DMD: variants seen among roughly 807,000 people sequenced by gnomAD.
DMD encodes mutant dystrophin.
A neutral mutation model predicts 330.1 loss-of-function variants in DMD; 63 were observed. The observed-to-expected ratio is 0.19, with a 90% CI of 0.16 to 0.24. The LOEUF is 0.24. DMD is among the 10% of genes least tolerant of loss of function. The probability of loss-of-function intolerance (pLI) is 1.00; values close to 1 mark genes in which losing one functional copy is unlikely to be tolerated. For synonymous variants in DMD, 1,223 were observed against 959.8 expected, an observed-to-expected ratio of 1.27 and a Z score of -5.07; for missense variants, 3,344 against 2,684.1, an observed-to-expected ratio of 1.25 and a Z score of -5.43.
chrX:33,128,328 A>G, intron 1 of DMD: 1 of 1,028,837 alleles, frequency 9.7e-7, no homozygotes, highest in Non-Finnish European at 1.2e-6. Context: ...GACCAGCCTC[A>G]CAAAAGCAGA....
intron 18 of DMD, among the ~76,000 whole-genome samples, chrX:32,510,726 C>A (rs774286801): frequency 1.1e-4 from 12 of 111,308 alleles, no homozygotes; most frequent in Non-Finnish European, 2.1e-4. Flanking sequence ...GGCCATAAAA[C>A]CAGTACATGG....
intron 21 of DMD, among the ~76,000 whole-genome samples, chrX:32,475,515 C>T (rs1186664822): frequency 3.6e-5 from 4 of 111,812 alleles, no homozygotes; most frequent in Admixed American, 9.5e-5. Context: ...TTGTTTGTGT[C>T]ATCTATGATT....
chrX:31,993,433 G>GA (rs1283692254), intron 44 of DMD, among the ~76,000 whole-genome samples: 1 of 111,401 alleles, frequency 9.0e-6, no homozygotes, highest in African/African-American at 3.3e-5. Context: ...ATTGTTGCTT[G>GA]TTGATCTCCA....
chrX:33,053,883 T>A (rs2094488851), intron 1 of DMD, among the ~76,000 whole-genome samples: 3 of 111,126 alleles, frequency 2.7e-5, no homozygotes, highest in Non-Finnish European at 1.9e-5. Context: ...AAGGGGTGAA[T>A]GTAAAGAGAT....
intron 9 of DMD, among the ~76,000 whole-genome samples, chrX:32,687,435 G>T (rs1405363455): frequency 9.0e-6 from 1 of 111,700 alleles, no homozygotes; most frequent in Non-Finnish European, 1.9e-5. Context: ...CCTTGACTAG[G>T]ATGGACCCCT....
At chrX:33,098,082 C>G (rs776991769) in intron 1 of DMD, among the ~76,000 whole-genome samples, 1 of 111,834 alleles carries the variant, frequency 8.9e-6, no homozygotes, top group African/African-American at 3.3e-5. Flanking sequence ...TTACTCTGGT[C>G]TGCTAGTATG....
At position 32,510,265 on chromosome X, in the gene DMD, G is replaced by A. The variant is rs149184265; in HGVS notation, c.2292+7743C>T. The stretch of plus-strand genomic sequence containing the variant: ...GCTTACCTTTTCCCTGATGCTACAG[G>A]CATGCTGCTGTTACACGGCTGTGCA... On this transcript the variant is annotated intron_variant, in intron 18 of 78. Transcript: ENST00000357033. 4.9e-3 allele frequency among the ~76,000 whole-genome samples: 543 copies of A among 111,649 alleles called. 3 individuals are homozygous for A. The highest frequency in any genetic ancestry group is 8.0e-3 in the Non-Finnish European group (423 of 53,184).
intron 1 of DMD, among the ~76,000 whole-genome samples, chrX:33,318,840 C>T (rs953783449): frequency 9.0e-6 from 1 of 110,972 alleles, no homozygotes; most frequent in South Asian, 3.8e-4. Context: ...TTAACATGCT[C>T]ATGTTATATC....
At chrX:31,675,970 T>G (rs2148713558) in intron 53 of DMD, among the ~76,000 whole-genome samples, 1 of 112,445 alleles carries the variant, frequency 8.9e-6, no homozygotes, top group Non-Finnish European at 1.9e-5. Flanking sequence ...CTTTTTACGT[T>G]CAGGTATGGT....
At chrX:32,016,109 G>A (rs7051705) in intron 44 of DMD, among the ~76,000 whole-genome samples, 2 of 111,757 alleles carry the variant, frequency 1.8e-5, no homozygotes, top group East Asian at 2.8e-4. Flanking sequence ...CAGTTTAGAG[G>A]TCTATTAAAT....
intron 13 of DMD, among the ~76,000 whole-genome samples, chrX:32,583,185 T>A (rs1391999912): frequency 8.9e-6 from 1 of 112,155 alleles, no homozygotes; most frequent in East Asian, 2.8e-4. Context: ...GTCTGGTGCA[T>A]TTTTTCTTTT....
At chrX:31,902,979 C>T (rs1183380931) in intron 47 of DMD, among the ~76,000 whole-genome samples, 1 of 111,341 alleles carries the variant, frequency 9.0e-6, no homozygotes, top group Admixed American at 9.6e-5. Context: ...ATAATTTCTT[C>T]TTCACAGAGA....
At chrX:33,059,593 A>G (rs2094558465) in intron 1 of DMD, among the ~76,000 whole-genome samples, 1 of 111,721 alleles carries the variant, frequency 9.0e-6, no homozygotes, top group East Asian at 2.8e-4. Flanking sequence ...GGGGTTGTTA[A>G]TAGTATTGAA....
chrX:32,830,492 G>C (rs929430860), intron 4 of DMD, among the ~76,000 whole-genome samples: 1 of 111,564 alleles, frequency 9.0e-6, no homozygotes, highest in African/African-American at 3.3e-5. Flanking sequence ...GTGTATCAGT[G>C]TTGTGACAAG....
chrX:32,662,613 C>G (rs2061018467), intron 9 of DMD, among the ~76,000 whole-genome samples: 2 of 111,593 alleles, frequency 1.8e-5, no homozygotes, highest in African/African-American at 6.5e-5. Context: ...CTTATTTCTT[C>G]CACTGCCCTA....
intron 2 of DMD, among the ~76,000 whole-genome samples, chrX:32,886,245 T>C (rs1425200385): frequency 9.1e-6 from 1 of 110,345 alleles, no homozygotes; most frequent in Non-Finnish European, 1.9e-5. Context: ...GTTTATAAAA[T>C]AGAGATATTT....
At chrX:32,346,735 G>T (rs1172073778) in intron 38 of DMD, among the ~76,000 whole-genome samples, 1 of 111,558 alleles carries the variant, frequency 9.0e-6, no homozygotes, top group East Asian at 2.8e-4. Context: ...AATATGGACT[G>T]GAAAATGGCT....
At chrX:31,811,484 A>C (rs1307719126) in intron 50 of DMD, among the ~76,000 whole-genome samples, 1 of 112,215 alleles carries the variant, frequency 8.9e-6, no homozygotes, top group Non-Finnish European at 1.9e-5. Flanking sequence ...GATACATACA[A>C]ATATGAATTT....
At chrX:32,015,380 A>G (rs2095752856) in intron 44 of DMD, among the ~76,000 whole-genome samples, 1 of 111,366 alleles carries the variant, frequency 9.0e-6, no homozygotes, top group Non-Finnish European at 1.9e-5. Flanking sequence ...GATGCCGAGC[A>G]TGATGGCCTG....
Sources: gnomAD v4.1 joint callset for allele counts (sites outside exome capture counted in the v4.1 genomes callset) on GRCh38, gnomAD v4.1.1 for gene constraint, MANE v1.5 for transcripts, NCBI Gene and HGNC (gene_info 2026-07-23, HGNC 2026-07-21) for gene names.